The following BAZ2B variants were observed in gnomAD, a reference collection of about 807,000 sequenced individuals.
The protein encoded by BAZ2B is bromodomain adjacent to zinc finger domain protein 2B.
In BAZ2B, 91 loss-of-function variants were observed where a neutral mutation model predicts 246.0. The observed-to-expected ratio is 0.37, with a 90% CI of 0.31 to 0.44. BAZ2B has a LOEUF of 0.44. Ranked by LOEUF, BAZ2B falls within the 20% of genes least tolerant of loss-of-function variation. The probability of loss-of-function intolerance (pLI) is 1.00; values close to 1 mark genes in which losing one functional copy is unlikely to be tolerated. For synonymous variants in BAZ2B, 855 were observed against 860.0 expected (o/e 0.99, Z 0.10); for missense variants, 2,332 against 2,533.7 (o/e 0.92, Z 1.71).
intron 2 of BAZ2B, among the ~76,000 whole-genome samples, chr2:159,522,729 T>G (rs988389969): frequency 3.3e-5 from 5 of 152,150 alleles, no homozygotes; most frequent in African/African-American, 1.2e-4. Context: ...GAACGATCAA[T>G]CAATCTAAAC....
chr2:159,565,020 G>C (rs745541766), intron 1 of BAZ2B, among the ~76,000 whole-genome samples: 3 of 152,024 alleles, frequency 2.0e-5, no homozygotes, highest in African/African-American at 7.2e-5. Flanking sequence ...AGAAGTGTGC[G>C]CCACCACAAT....
intron 13 of BAZ2B, among the ~76,000 whole-genome samples, chr2:159,414,279 G>A (rs1213191368): frequency 6.6e-6 from 1 of 152,148 alleles, no homozygotes; most frequent in Non-Finnish European, 1.5e-5. Flanking sequence ...AGGATAGTGA[G>A]AGGAGAGGGG....
intron 1 of BAZ2B, among the ~76,000 whole-genome samples, chr2:159,556,369 A>G (rs1046092432): frequency 6.9e-6 from 1 of 144,864 alleles, no homozygotes; most frequent in Non-Finnish European, 1.5e-5. Flanking sequence ...CAAAAGATTG[A>G]AAATATCACT....
chr2:159,372,951 G>T, intron 27 of BAZ2B, 94 bp downstream of exon 27: 2 of 1,379,756 alleles, frequency 1.4e-6, no homozygotes, highest in South Asian at 1.5e-5. Flanking sequence ...ACCAAACATT[G>T]ATTATGGGAA....
intron 18 of BAZ2B, among the ~76,000 whole-genome samples, chr2:159,398,536 G>A (rs940951879): frequency 6.6e-6 from 1 of 151,892 alleles, no homozygotes; most frequent in Non-Finnish European, 1.5e-5. Context: ...AGTTTTGGGG[G>A]GGGTCATTCT....
chr2:159,530,429 C>T (rs1018505738), intron 2 of BAZ2B, among the ~76,000 whole-genome samples: 5 of 152,086 alleles, frequency 3.3e-5, no homozygotes, highest in African/African-American at 1.2e-4. Flanking sequence ...AGCAATTTTT[C>T]AAAATATCTC....
intron 2 of BAZ2B, among the ~76,000 whole-genome samples, chr2:159,515,196 C>T (rs2083306030): frequency 6.6e-6 from 1 of 151,944 alleles, no homozygotes; most frequent in Non-Finnish European, 1.5e-5. Flanking sequence ...ACATAGATCA[C>T]CTGCACTTAT....
the BAZ2B span, chr2:159,710,648 T>A: frequency 6.6e-6 from 1 of 152,174 alleles, no homozygotes; most frequent in Non-Finnish European, 1.5e-5. Context: ...TCATCAGTGG[T>A]CTTTATTTAC....
At chr2:159,379,656 G>T (rs10929940) in intron 25 of BAZ2B, among the ~76,000 whole-genome samples, 1 of 151,974 alleles carries the variant, frequency 6.6e-6, no homozygotes, top group Non-Finnish European at 1.5e-5. Context: ...ATTCTACATT[G>T]ATTCATAAAT....
At chr2:159,448,468 C>T in intron 4 of BAZ2B, 59 bp from the exon 5 acceptor site, 1 of 1,492,044 alleles carries the variant, frequency 6.7e-7, no homozygotes, top group Non-Finnish European at 8.9e-7. Context: ...CAGTTAACGT[C>T]ACAATGGCTT....
At chr2:159,392,670 T>C (rs2063494943) in intron 20 of BAZ2B, among the ~76,000 whole-genome samples, 3 of 152,188 alleles carry the variant, frequency 2.0e-5, no homozygotes, top group Admixed American at 2.0e-4. Flanking sequence ...GTATTGTTCT[T>C]ACTTCTGACT....
At chr2:159,385,767 A>G (rs992484231) in intron 22 of BAZ2B, among the ~76,000 whole-genome samples, 2 of 152,132 alleles carry the variant, frequency 1.3e-5, no homozygotes, top group Admixed American at 6.6e-5. Flanking sequence ...TTAAAGTGTT[A>G]TAGGTTTTAC....
At chr2:159,341,542 A>T (rs995020287) in intron 31 of BAZ2B, among the ~76,000 whole-genome samples, 2 of 152,190 alleles carry the variant, frequency 1.3e-5, no homozygotes, top group African/African-American at 4.8e-5. Context: ...ACACGTACAG[A>T]ACATTTCATC....
At position 159,389,372 on chromosome 2, in the gene BAZ2B, A is replaced by G; in HGVS notation, c.3189T>C (p.Asn1063=). 1.2e-6 allele frequency: 2 copies of G among 1,611,174 alleles called. No individual in the cohort carries two copies. The highest frequency in any genetic ancestry group is 4.5e-5 in the East Asian group (2 of 44,766). ...TTTGGTCTGCTAAGCACATGTCTTCATTAGGCTTCTTTAGTTCCTTTGCCA... is the reference window on the plus strand; with the variant it reads ...TTTGGTCTGCTAAGCACATGTCTTCGTTAGGCTTCTTTAGTTCCTTTGCCA... ...LEMAKELKKP[N]EDMCLADQKP... is the part of the protein sequence containing the mutation. The change falls in exon 21 of 37, where the codon AAT becomes AAC. Residue 1063 remains asparagine (N), a synonymous_variant. Coordinates refer to ENST00000392783, the MANE Select transcript of BAZ2B (RefSeq NM_013450.4).
intron 2 of BAZ2B, among the ~76,000 whole-genome samples, chr2:159,554,377 A>C (rs2088782010): frequency 6.6e-6 from 1 of 152,158 alleles, no homozygotes; most frequent in Non-Finnish European, 1.5e-5. Context: ...ATATGTCAAT[A>C]TTTTATTATA....
At chr2:159,559,506 C>T (rs752543339) in intron 1 of BAZ2B, among the ~76,000 whole-genome samples, 75 of 152,170 alleles carry the variant, frequency 4.9e-4, no homozygotes, top group Non-Finnish European at 9.1e-4. Flanking sequence ...AGATAAATTC[C>T]ATTTTACTTT....
chr2:159,428,008 C>T lies in BAZ2B; in HGVS notation c.2399G>A (p.Arg800Lys), dbSNP rs781301164. 1 of 1,613,428 alleles carries T rather than the reference C, an allele frequency of 6.2e-7. No homozygotes were observed. The change falls in exon 13 of 37, where the codon AGG (arginine) becomes AAG (lysine). Residue 800 changes from arginine (R) to lysine (K), a missense_variant. This residue lies in a region of BAZ2B where 651 missense variants were observed against 650.9 expected (regional missense o/e 1.00). Coordinates refer to ENST00000392783, the MANE Select transcript of BAZ2B (RefSeq NM_013450.4). ...TTTTGCACTGAAGCTGAAATTGTCC[C>T]TTGAGATATCCATTATTCCATTTCT... is the stretch of plus-strand genomic sequence containing the variant. ...LSRNGIMDISRDNFSFSAKIR... is the reference protein window; with the variant it reads ...LSRNGIMDISKDNFSFSAKIR...
chr2:159,559,966 A>G (rs2089657194), intron 1 of BAZ2B, among the ~76,000 whole-genome samples: 1 of 152,216 alleles, frequency 6.6e-6, no homozygotes, highest in Non-Finnish European at 1.5e-5. Context: ...AAACATCTAC[A>G]AATGTTACCT....
chr2:159,384,092 T>C (rs958478548), intron 23 of BAZ2B, among the ~76,000 whole-genome samples: 15 of 152,094 alleles, frequency 9.9e-5, no homozygotes, highest in African/African-American at 2.9e-4. Context: ...ATACACTAAG[T>C]GTATATATAT....
Sources: gnomAD v4.1 joint callset for allele counts (sites outside exome capture counted in the v4.1 genomes callset) on GRCh38, gnomAD v4.1.1 for gene constraint, gnomAD v4.1.1 regional missense constraint, MANE v1.5 for transcripts, NCBI Gene and HGNC (gene_info 2026-07-23, HGNC 2026-07-21) for gene names.